Variants in SBF2 observed in about 807,000 individuals in gnomAD.
The protein encoded by SBF2 is SET binding factor 2.
In SBF2, 112 loss-of-function variants were observed where a neutral mutation model predicts 225.2. The observed-to-expected ratio is 0.50, with a 90% CI of 0.43 to 0.58. SBF2 has a LOEUF of 0.58. SBF2 is among the 20% of genes least tolerant of loss of function. The pLI, the probability that SBF2 is intolerant of heterozygous loss-of-function variation, is 0.00. For missense variants in SBF2, 1,996 were observed against 2,206.2 expected (o/e 0.90, Z 1.91); for synonymous variants, 763 against 773.3 (o/e 0.99, Z 0.22).
At chr11:10,105,152 G>A (rs372192958) in intron 2 of SBF2, among the ~76,000 whole-genome samples, 53 of 151,848 alleles carry the variant, frequency 3.5e-4, no homozygotes, top group East Asian at 9.7e-4. Context: ...CTTTGTGAAC[G>A]ATGGGCTACA....
In SBF2 at chr11:10,201,188, T is replaced by G. The variant is rs560997365; in HGVS notation, c.56-7201A>C. 1.9e-3 allele frequency among the ~76,000 whole-genome samples: 283 copies of G among 152,356 alleles called. 1 individual carries two copies. Among genetic ancestry groups the G allele is most frequent in the African/African-American group, 6.3e-3 (261 of 41,588 alleles). ...TTACTCATTTTAATAGAATAGAAGC[T>G]GATCTAAAGATATCTGTCCAAAGAC... On this transcript the variant is annotated intron_variant, in intron 1 of 39. Transcript: ENST00000256190.
chr11:9,900,459 C>T (rs975143749), intron 16 of SBF2, among the ~76,000 whole-genome samples: 20 of 152,088 alleles, frequency 1.3e-4, no homozygotes, highest in African/African-American at 4.6e-4. Context: ...AACCACTCAC[C>T]CTGTCACTCT....
chr11:9,865,215 A>T (rs925852389), intron 17 of SBF2, among the ~76,000 whole-genome samples: 1 of 152,228 alleles, frequency 6.6e-6, no homozygotes, highest in South Asian at 2.1e-4. Context: ...TTATTCAGGT[A>T]ATGAGAATTA....
At chr11:9,806,738 G>A (rs989754217) in intron 32 of SBF2, among the ~76,000 whole-genome samples, 1 of 152,178 alleles carries the variant, frequency 6.6e-6, no homozygotes, top group African/African-American at 2.4e-5. Context: ...ATAGCTTCCT[G>A]TGTGTGGGGT....
At chr11:10,099,937 A>C (rs1952202443) in intron 2 of SBF2, among the ~76,000 whole-genome samples, 1 of 152,206 alleles carries the variant, frequency 6.6e-6, no homozygotes. Context: ...AGAAAGAATC[A>C]AAGGACCTAC....
At chr11:10,087,629 C>A (rs147309167) in intron 2 of SBF2, among the ~76,000 whole-genome samples, 35 of 152,256 alleles carry the variant, frequency 2.3e-4, no homozygotes, top group African/African-American at 7.9e-4. Flanking sequence ...GTATTTCATA[C>A]CAAACATATT....
chr11:10,199,186 C>G (rs1029749058), intron 1 of SBF2, among the ~76,000 whole-genome samples: 1 of 152,154 alleles, frequency 6.6e-6, no homozygotes, highest in Admixed American at 6.5e-5. Context: ...AATTTCAATA[C>G]TGGCGTGCCT....
chr11:9,889,761 C>T (rs747398992), intron 17 of SBF2, among the ~76,000 whole-genome samples: 1 of 152,098 alleles, frequency 6.6e-6, no homozygotes, highest in Non-Finnish European at 1.5e-5. Flanking sequence ...TTGTATGATT[C>T]CCTTTAAATA....
chr11:10,267,583 C>A (rs35737881), intron 1 of SBF2, among the ~76,000 whole-genome samples: 71,120 of 151,756 alleles, frequency 0.47, 17,309 homozygotes, highest in Non-Finnish European at 0.54. Context: ...GAACATGCTG[C>A]ATTTTCTTTT....
chr11:10,261,201 G>A (rs979995791), intron 1 of SBF2, among the ~76,000 whole-genome samples: 1 of 152,020 alleles, frequency 6.6e-6, no homozygotes, highest in Non-Finnish European at 1.5e-5. Flanking sequence ...TTCTCTTTTT[G>A]TTGTAGTTGT....
chr11:10,082,450 C>G (rs1240108565), intron 2 of SBF2, among the ~76,000 whole-genome samples: 2 of 152,038 alleles, frequency 1.3e-5, no homozygotes, highest in Non-Finnish European at 2.9e-5. Flanking sequence ...AACTACATAT[C>G]AATATCCCTC....
At chr11:9,871,470 CTTATTA>C (rs375904547) in intron 17 of SBF2, among the ~76,000 whole-genome samples, 4,628 of 136,908 alleles carry the variant, frequency 0.034, 230 homozygotes, top group African/African-American at 0.11. Flanking sequence ...CAGGATGACG[CTTATTA>C]TTATTATTAT....
At chr11:9,860,277 T>TC (rs1454269725) in intron 17 of SBF2, among the ~76,000 whole-genome samples, 1 of 150,942 alleles carries the variant, frequency 6.6e-6, no homozygotes, top group African/African-American at 2.5e-5. Context: ...TTTTTTTTTT[T>TC]TTTGAGACAA....
rs1345783795 is a variant in SBF2, at chr11:9,789,102, G to GACTT, written c.4932+3_4932+6dup. The GACTT allele has an allele frequency of 1.2e-6, 2 of 1,613,182 alleles. No individual in the cohort carries two copies. Among genetic ancestry groups the GACTT allele is most frequent in the Non-Finnish European group, 1.7e-6 (2 of 1,179,166 alleles). On this transcript the variant is annotated splice_region_variant and intron_variant, in intron 35 of 39. Transcript: ENST00000256190. The stretch of plus-strand genomic sequence containing the variant: ...TGCCCCTAGGTGTGTGTCTACAGTT[G>GACTT]ACTTACACTGAAAAGGCTGGTGAGA...
At chr11:10,181,863 T>C (rs1956749261) in intron 2 of SBF2, among the ~76,000 whole-genome samples, 1 of 152,196 alleles carries the variant, frequency 6.6e-6, no homozygotes, top group African/African-American at 2.4e-5. Context: ...AATGAGCTTT[T>C]AGTTCTCAAA....
chr11:10,194,136 G>A, intron 1 of SBF2, 149 bp from the exon 2 acceptor site: 1 of 690,756 alleles, frequency 1.4e-6, no homozygotes, highest in Non-Finnish European at 2.6e-6. Context: ...ATGTGAGTAT[G>A]CATCATCTAA....
At position 10,073,196 on chromosome 11, in the gene SBF2, A is replaced by C. The variant is rs186849649; in HGVS notation, c.142-30215T>G. Reference sequence around the variant, plus strand: ...AATTCTGCCTAGCAGGTAAGTAATCAATAAAGGCTTATCTGAAGAGAAATA... The same window carrying C: ...AATTCTGCCTAGCAGGTAAGTAATCCATAAAGGCTTATCTGAAGAGAAATA... On this transcript the variant is annotated intron_variant, in intron 2 of 39. Transcript: ENST00000256190. 4.6e-5 allele frequency among the ~76,000 whole-genome samples: 7 copies of C among 152,306 alleles called. No individual in the cohort carries two copies. In the East Asian group the frequency reaches 1.4e-3, roughly 29 times the overall value.
chr11:9,872,408 C>G (rs1858853208), intron 17 of SBF2, among the ~76,000 whole-genome samples: 1 of 152,110 alleles, frequency 6.6e-6, no homozygotes, highest in Non-Finnish European at 1.5e-5. Context: ...ATACATTTAC[C>G]TCTGTGATAA....
intron 2 of SBF2, among the ~76,000 whole-genome samples, chr11:10,184,244 C>T (rs901650611): frequency 1.3e-5 from 2 of 152,102 alleles, no homozygotes; most frequent in African/African-American, 2.4e-5. Context: ...CTAGACTGTA[C>T]CATGGATCTA....
Sources: gnomAD v4.1 joint callset for allele counts (sites outside exome capture counted in the v4.1 genomes callset) on GRCh38, gnomAD v4.1.1 for gene constraint, MANE v1.5 for transcripts, NCBI Gene and HGNC (gene_info 2026-07-23, HGNC 2026-07-21) for gene names.